RAB18: variants seen among roughly 807,000 people sequenced by gnomAD.
RAB18 encodes the protein ras-related protein Rab-18.
In RAB18, 10 loss-of-function variants were observed where a neutral mutation model predicts 28.5. The ratio of observed to expected loss-of-function variants is 0.35; its 90% CI spans 0.22 to 0.60. The LOEUF is 0.60. Ranked by LOEUF, RAB18 falls within the 20% of genes least tolerant of loss-of-function variation. The pLI is 0.78. For missense variants in RAB18, 188 were observed against 244.2 expected (o/e 0.77, Z 1.53); for synonymous variants, 93 against 86.9 (o/e 1.07, Z -0.39).
At chr10:27,533,706 T>A (rs1175682455) in intron 4 of RAB18, 29 bp from the exon 5 acceptor site, 1 of 1,609,974 alleles carries the variant, frequency 6.2e-7, no homozygotes, top group African/African-American at 1.3e-5. Flanking sequence ...CTTTAATGCT[T>A]ATTTAACAAA....
chr10:27,511,158 C>G (rs1399112822), intron 2 of RAB18, among the ~76,000 whole-genome samples: 1 of 152,114 alleles, frequency 6.6e-6, no homozygotes, highest in Non-Finnish European at 1.5e-5. Context: ...GGATCATACA[C>G]TGATTTTAGT....
At position 27,541,114 on chromosome 10, in the gene RAB18, A is replaced by G. The variant is rs1350816589; in HGVS notation, c.*3063A>G. On this transcript the variant is annotated 3_prime_UTR_variant, in exon 7 of 7. Coordinates refer to ENST00000356940, the MANE Select transcript of RAB18 (RefSeq NM_021252.5). ...TTCTTGGGGGTACATTTCACTAGTAATACTTAGGAAGTTATTTTGTCTTTC... is the reference window on the plus strand; with the variant it reads ...TTCTTGGGGGTACATTTCACTAGTAGTACTTAGGAAGTTATTTTGTCTTTC... The G allele has an allele frequency of 2.2e-6, 1 of 454,020 alleles. No homozygotes were observed. Among genetic ancestry groups the G allele is most frequent in the South Asian group, 1.6e-5 (1 of 64,466 alleles). The allele number at this position is 454,020 out of a possible 1,614,324, so 28.1% of individuals were successfully genotyped here. A position where few individuals can be genotyped will look rare whatever the true frequency, so the allele number is the denominator to read the frequency against.
intron 1 of RAB18, among the ~76,000 whole-genome samples, chr10:27,509,363 A>G (rs942907018): frequency 1.3e-5 from 2 of 152,016 alleles, no homozygotes; most frequent in African/African-American, 4.8e-5. Flanking sequence ...CTCTCTTTTT[A>G]CTGTATCTTC....
At chr10:27,518,250 A>G (rs1834478296) in intron 2 of RAB18, among the ~76,000 whole-genome samples, 1 of 152,160 alleles carries the variant, frequency 6.6e-6, no homozygotes, top group Admixed American at 6.5e-5. Context: ...TAGAATACAT[A>G]CCCAGTAATG....
rs765842097 is a variant in RAB18, at chr10:27,539,062, G to A, written c.*1011G>A. The A allele has an allele frequency of 1.4e-5, 6 of 427,776 alleles. No homozygotes were observed. Among genetic ancestry groups the A allele is most frequent in the South Asian group, 1.0e-4 (6 of 60,196 alleles). 26.5% of individuals were successfully genotyped at this position (427,776 alleles called of 1,614,324 possible). ...TGCTTCCAGATTCTGATGTGTGAGGGAAAATACTGTCACAATGAAAATCTT... is the reference window on the plus strand; with the variant it reads ...TGCTTCCAGATTCTGATGTGTGAGGAAAAATACTGTCACAATGAAAATCTT... On this transcript the variant is annotated 3_prime_UTR_variant, in exon 7 of 7. Coordinates refer to ENST00000356940, the MANE Select transcript of RAB18 (RefSeq NM_021252.5).
chr10:27,533,812 A>G lies in RAB18; in HGVS notation c.337A>G (p.Asn113Asp), dbSNP rs1216050051. 2.5e-6 allele frequency: 4 copies of G among 1,613,792 alleles called. No homozygotes were observed. The South Asian group carries it at 3.3e-5, about 13-fold the overall frequency. Residue 113 changes from asparagine to aspartate, a missense_variant, in exon 5 of 7, where the codon AAT becomes GAT. Coordinates refer to ENST00000356940, the MANE Select transcript of RAB18 (RefSeq NM_021252.5). ...TGAATTGGAAACATACTGTACAAGA[A>G]ATGACATAGTAAACATGCTAGTTGG... ...LNELETYCTRNDIVNMLVGNK... is the reference protein window; with the variant it reads ...LNELETYCTRDDIVNMLVGNK...
At position 27,541,537 on chromosome 10, in the gene RAB18, A is replaced by G. The variant is rs760511983; in HGVS notation, c.*3486A>G. On this transcript the variant is annotated 3_prime_UTR_variant, in exon 7 of 7. Transcript: ENST00000356940. The stretch of plus-strand genomic sequence containing the variant: ...TAGTTAAAGCTGTTCAATGAATGTA[A>G]GCACACACACACCTACACACATATT... 3 of 453,796 alleles carry G rather than the reference A, an allele frequency of 6.6e-6. No individual in the cohort carries two copies. The highest frequency in any genetic ancestry group is 1.3e-5 in the Non-Finnish European group (3 of 226,750). 28.1% of individuals were successfully genotyped at this position (453,796 alleles called of 1,614,324 possible).
chr10:27,506,329 GC>G (rs1379909710), intron 1 of RAB18, among the ~76,000 whole-genome samples: 1 of 151,864 alleles, frequency 6.6e-6, no homozygotes, highest in Non-Finnish European at 1.5e-5. Context: ...TGCTCTACCC[GC>G]TGTTTTTTTG....
At chr10:27,515,484 T>C (rs1023866698) in intron 2 of RAB18, among the ~76,000 whole-genome samples, 1 of 152,178 alleles carries the variant, frequency 6.6e-6, no homozygotes, top group Non-Finnish European at 1.5e-5. Context: ...TATGTGAAAA[T>C]GTCTTTTGAG....
At chr10:27,507,546 CTTT>C (rs11459156) in intron 1 of RAB18, among the ~76,000 whole-genome samples, 8 of 136,402 alleles carry the variant, frequency 5.9e-5, no homozygotes, top group Non-Finnish European at 6.3e-5. Flanking sequence ...CTTGCCTTCC[CTTT>C]TTTTTTTTTT....
intron 3 of RAB18, 136 bp downstream of exon 3, chr10:27,527,025 TAAAGG>T: frequency 7.2e-6 from 7 of 970,572 alleles, no homozygotes; most frequent in African/African-American, 1.6e-5. Context: ...TGATACTGAT[TAAAGG>T]ATAAACAGTA....
intron 6 of RAB18, 65 bp from the exon 7 acceptor site, chr10:27,537,811 A>G: frequency 6.9e-7 from 1 of 1,439,272 alleles, no homozygotes; most frequent in Admixed American, 1.8e-5. Flanking sequence ...ATAGTTTCCC[A>G]GAAAAACATG....
At chr10:27,507,643 G>C (rs1156981010) in intron 1 of RAB18, among the ~76,000 whole-genome samples, 2 of 149,472 alleles carry the variant, frequency 1.3e-5, no homozygotes, top group African/African-American at 4.9e-5. Context: ...TCACATCTAA[G>C]TGCCATGGTG....
chr10:27,504,785 G>T (rs1837772268), intron 1 of RAB18: 3 of 536,330 alleles, frequency 5.6e-6, no homozygotes, highest in East Asian at 9.3e-5. Flanking sequence ...GGCCGGGGGC[G>T]CCTTGCCTCG....
Position 27,526,967 on chromosome 10 carries a change from C to G in RAB18, c.186+78C>G, listed in dbSNP as rs17749628. ...TGCAGAAATTGATTTGTGTAGTGTT[C>G]TAGAGGTGGTGAATGAACAATTTGT... On this transcript the variant is annotated intron_variant, in intron 3 of 6. Coordinates refer to ENST00000356940, the MANE Select transcript of RAB18 (RefSeq NM_021252.5). 52,273 of 1,425,676 alleles carry G rather than the reference C, an allele frequency of 0.037. 1,144 individuals carry two copies. Among genetic ancestry groups the G allele is most frequent in the South Asian group, 0.05 (4,326 of 86,730 alleles). 88.3% of individuals were successfully genotyped at this position (1,425,676 alleles called of 1,614,324 possible).
At chr10:27,509,986 C>CATGGCCAGTA in intron 2 of RAB18, 56 bp downstream of exon 2, 1 of 1,377,032 alleles carries the variant, frequency 7.3e-7, no homozygotes, top group African/African-American at 1.4e-5. Flanking sequence ...TGCCTTTGGC[C>CATGGCCAGTA]TTTTTAATCT....
At chr10:27,525,144 A>G (rs1426714043) in intron 2 of RAB18, among the ~76,000 whole-genome samples, 3 of 152,352 alleles carry the variant, frequency 2.0e-5, no homozygotes, top group Non-Finnish European at 2.9e-5. Context: ...GAGTTGGGGT[A>G]TGGGAAGAAA....
rs1016066245 is a variant in RAB18 at position 27,504,341 on chromosome 10, A to C, written c.-29A>C. The C allele has an allele frequency of 9.6e-6, 15 of 1,564,848 alleles. No individual in the cohort carries two copies. Among genetic ancestry groups the C allele is most frequent in the African/African-American group, 4.0e-5 (3 of 74,244 alleles). On this transcript the variant is annotated 5_prime_UTR_variant, in exon 1 of 7. Coordinates refer to ENST00000356940, the MANE Select transcript of RAB18 (RefSeq NM_021252.5). ...GGCTGAGAGGCGCACCCGGGCGGCC[A>C]GCTGGGCTCGGAGCGGAACGGGGTC...
chr10:27,510,187 C>G, intron 2 of RAB18: 1 of 517,012 alleles, frequency 1.9e-6, no homozygotes, highest in Non-Finnish European at 3.5e-6. Flanking sequence ...TCTGTACACA[C>G]ATTTCTCTCC....
Sources: gnomAD v4.1 joint callset for allele counts (sites outside exome capture counted in the v4.1 genomes callset) on GRCh38, gnomAD v4.1.1 for gene constraint, MANE v1.5 for transcripts, NCBI Gene and HGNC (gene_info 2026-07-23, HGNC 2026-07-21) for gene names.